Variants in PRICKLE2 observed in about 807,000 individuals in gnomAD.
PRICKLE2 encodes the protein prickle planar cell polarity protein 2, also known as prickle-like protein 2.
In PRICKLE2, 21 loss-of-function variants were observed where a neutral mutation model predicts 81.4. That is an observed-to-expected ratio of 0.26 (90% CI 0.18 to 0.37). The LOEUF is 0.37. PRICKLE2 is among the 10% of genes least tolerant of loss of function. The pLI is 1.00. For missense variants in PRICKLE2, 940 were observed against 1,109.0 expected (o/e 0.85, Z 2.16); for synonymous variants, 456 against 421.5 (o/e 1.08, Z -1.00).
rs1012980583 is a variant in PRICKLE2 at position 64,252,923 on chromosome 3, T to C, written c.129-53956A>G. On this transcript the variant is annotated intron_variant, in intron 2 of 8. Coordinates refer to the PRICKLE2 transcript ENST00000295902. The stretch of plus-strand genomic sequence containing the variant: ...GTAAATGGGCATGGATATGTTCCTA[T>C]AAAACTTTACGAAAACAGGATGCAG... Among the ~76,000 whole-genome samples the C allele has an allele frequency of 7.9e-5, 12 of 152,206 alleles. No individual in the cohort carries two copies. In the East Asian group the frequency reaches 1.2e-3, roughly 15 times the overall value.
At chr3:64,175,455 C>T (rs539083806) in intron 2 of PRICKLE2, among the ~76,000 whole-genome samples, 22 of 152,218 alleles carry the variant, frequency 1.4e-4, no homozygotes, top group Admixed American at 7.2e-4. Context: ...TCTTTCTTGG[C>T]CTTATTTGAA....
At chr3:64,181,539 C>T (rs1332149605) in intron 2 of PRICKLE2, among the ~76,000 whole-genome samples, 1 of 151,936 alleles carries the variant, frequency 6.6e-6, no homozygotes, top group Non-Finnish European at 1.5e-5. Flanking sequence ...GCATGCTTTC[C>T]CCTTGTTTTA....
chr3:64,255,209 A>G (rs1209536458), intron 2 of PRICKLE2, among the ~76,000 whole-genome samples: 1 of 152,168 alleles, frequency 6.6e-6, no homozygotes, highest in Non-Finnish European at 1.5e-5. Context: ...TCCATGCACA[A>G]GTTTACTCTC....
chr3:64,264,402 T>C (rs1010329824), intron 2 of PRICKLE2, among the ~76,000 whole-genome samples: 1 of 152,202 alleles, frequency 6.6e-6, no homozygotes, highest in Non-Finnish European at 1.5e-5. Flanking sequence ...TACAGACCTA[T>C]GAAATAGACT....
At chr3:64,232,734 T>C (rs1483457922) in intron 2 of PRICKLE2, among the ~76,000 whole-genome samples, 1 of 152,194 alleles carries the variant, frequency 6.6e-6, no homozygotes, top group Non-Finnish European at 1.5e-5. Flanking sequence ...ACCAACTGCC[T>C]ATGTCACATC....
chr3:64,202,433 A>G (rs909939826), intron 1 of PRICKLE2, among the ~76,000 whole-genome samples: 5 of 152,116 alleles, frequency 3.3e-5, no homozygotes, highest in Non-Finnish European at 7.4e-5. Context: ...TCTTTCAATT[A>G]TATTTTGTGG....
chr3:64,181,453 A>G (rs183534789), intron 2 of PRICKLE2, among the ~76,000 whole-genome samples: 28 of 152,294 alleles, frequency 1.8e-4, no homozygotes, highest in Admixed American at 1.1e-3. Flanking sequence ...TTAGCCAACA[A>G]CATTGCCTTA....
intron 2 of PRICKLE2, among the ~76,000 whole-genome samples, chr3:64,176,100 G>T (rs993885088): frequency 2.6e-5 from 4 of 152,086 alleles, no homozygotes; most frequent in Non-Finnish European, 5.9e-5. Context: ...AGAGGCAGAT[G>T]GATCAACAAC....
chr3:64,153,241 C>G lies in PRICKLE2; in HGVS notation c.728G>C (p.Cys243Ser). The change falls in exon 6 of 8, where the codon TGT becomes TCT. Residue 243 changes from cysteine (C) to serine (S), a missense_variant. By Grantham distance (112) the Cys-to-Ser change is moderately radical. This residue lies in a region of PRICKLE2 where 270 missense variants were observed against 391.8 expected (regional missense o/e 0.69). Coordinates refer to ENST00000638394, the MANE Select transcript of PRICKLE2 (RefSeq NM_198859.4). ...ATACAAGGACTCGAAGCAGTGGCAA[C>G]AGTAGGGTCTTCCCTCCTTCATGAT... is the stretch of plus-strand genomic sequence containing the variant. ...RYIMKEGRPY[C>S]CHCFESLYAE... 1 of 1,614,218 alleles carries G rather than the reference C, an allele frequency of 6.2e-7. No individual in the cohort carries two copies. Among genetic ancestry groups the G allele is most frequent in the Non-Finnish European group, 8.5e-7 (1 of 1,180,040 alleles).
chr3:64,154,966 T>C (rs1224465267), intron 5 of PRICKLE2: 2 of 151,916 alleles, frequency 1.3e-5, no homozygotes, highest in South Asian at 2.1e-4. Context: ...CTCACCAATA[T>C]GGTGAAACGC....
chr3:64,214,235 G>A (rs531055715), intron 1 of PRICKLE2, among the ~76,000 whole-genome samples: 1 of 152,222 alleles, frequency 6.6e-6, no homozygotes, highest in African/African-American at 2.4e-5. Context: ...CTGAAGTGCT[G>A]GAGGGAAAAA....
chr3:64,180,379 T>C (rs1008436647), intron 2 of PRICKLE2, among the ~76,000 whole-genome samples: 1 of 152,184 alleles, frequency 6.6e-6, no homozygotes. Context: ...TACATTCACA[T>C]AGTTGTGCAA....
chr3:64,195,469 C>T (rs1291225370), intron 2 of PRICKLE2, among the ~76,000 whole-genome samples: 1 of 152,068 alleles, frequency 6.6e-6, no homozygotes, highest in East Asian at 1.9e-4. Flanking sequence ...AGGTTTCTAA[C>T]AAAAATGAAA....
upstream of PRICKLE2, among the ~76,000 whole-genome samples, chr3:64,230,391 A>G (rs544568595): frequency 8.5e-5 from 13 of 152,352 alleles, no homozygotes; most frequent in African/African-American, 2.6e-4. Flanking sequence ...TCAAAGTTGC[A>G]TCTGTTTTAC....
In PRICKLE2 at chr3:64,209,282, C is replaced by A. The variant is rs569175492; in HGVS notation, c.-40-10315G>T. Among the ~76,000 whole-genome samples, 3 of 152,238 alleles carry A rather than the reference C, an allele frequency of 2.0e-5. No individual in the cohort carries two copies. The East Asian group carries it at 5.8e-4, about 29-fold the overall frequency. ...AATACAGCCATATCTATCCACCTAT[C>A]CACCCATCTATCCATCCATTCATGT... On this transcript the variant is annotated intron_variant, in intron 1 of 7. Coordinates refer to ENST00000638394, the MANE Select transcript of PRICKLE2 (RefSeq NM_198859.4).
rs187779353 is a variant in PRICKLE2 at position 64,096,200 on chromosome 3, C to A, written c.*2851G>T. 6.6e-6 allele frequency: 1 copy of A among 152,074 alleles called. No homozygotes were observed. The highest frequency in any genetic ancestry group is 1.5e-5 in the Non-Finnish European group (1 of 68,034). The allele number at this position is 152,074 out of a possible 1,614,324, so 9.4% of individuals were successfully genotyped here. A position where few individuals can be genotyped will look rare whatever the true frequency, so the allele number is the denominator to read the frequency against. Reference sequence around the variant, plus strand: ...AACCAGGGCATTGGAGAAGAGAGAACGCTGGAAAAAGATTACTATTCTGGA... The same window carrying A: ...AACCAGGGCATTGGAGAAGAGAGAAAGCTGGAAAAAGATTACTATTCTGGA... On this transcript the variant is annotated 3_prime_UTR_variant, in exon 8 of 8. Coordinates refer to ENST00000638394, the MANE Select transcript of PRICKLE2 (RefSeq NM_198859.4).
At chr3:64,257,092 T>C (rs2079536689) in intron 2 of PRICKLE2, among the ~76,000 whole-genome samples, 1 of 152,212 alleles carries the variant, frequency 6.6e-6, no homozygotes. Flanking sequence ...ATCATAGTAA[T>C]GCTTCACCCA....
chr3:64,185,067 C>G (rs1048874951), intron 2 of PRICKLE2, among the ~76,000 whole-genome samples: 2 of 152,152 alleles, frequency 1.3e-5, no homozygotes, highest in African/African-American at 4.8e-5. Context: ...ATAATACAAG[C>G]CCAAATGTTA....
intron 1 of PRICKLE2, among the ~76,000 whole-genome samples, chr3:64,203,776 C>T (rs2078630797): frequency 6.6e-6 from 1 of 150,568 alleles, no homozygotes. Flanking sequence ...CGAGACCAGC[C>T]TGGCCAAATG....
Sources: allele counts gnomAD v4.1 joint callset (sites outside exome capture counted in the v4.1 genomes callset), GRCh38; gene constraint gnomAD v4.1.1; regional missense constraint gnomAD v4.1.1; transcripts MANE v1.5; gene names NCBI Gene and HGNC (gene_info 2026-07-23, HGNC 2026-07-21).